The following PAK5 variants were observed in gnomAD, a reference collection of about 807,000 sequenced individuals.
PAK5 encodes serine/threonine-protein kinase PAK 5.
PAK5 carries 16 observed loss-of-function variants against 65.9 expected under a neutral mutation model. The ratio of observed to expected loss-of-function variants is 0.24; its 90% CI spans 0.16 to 0.37. PAK5 has a LOEUF of 0.37. Ranked by LOEUF, PAK5 falls within the 10% of genes least tolerant of loss-of-function variation. The pLI, the probability that PAK5 is intolerant of heterozygous loss-of-function variation, is 1.00. For missense variants in PAK5, 785 were observed against 903.9 expected (o/e 0.87, Z 1.69); for synonymous variants, 371 against 354.9 (o/e 1.05, Z -0.51).
chr20:9,822,727 T>C (rs1047671541), intron 1 of PAK5, among the ~76,000 whole-genome samples: 1 of 152,222 alleles, frequency 6.6e-6, no homozygotes, highest in African/African-American at 2.4e-5. Context: ...TATCCACCCA[T>C]ATGCCTACTG....
At chr20:9,646,343 C>T (rs1235172067) in intron 2 of PAK5, among the ~76,000 whole-genome samples, 1 of 152,204 alleles carries the variant, frequency 6.6e-6, no homozygotes, top group Non-Finnish European at 1.5e-5. Flanking sequence ...TCCGTCAAAA[C>T]CCATCGCATT....
At chr20:9,794,372 C>T (rs747778104) in intron 1 of PAK5, among the ~76,000 whole-genome samples, 3 of 151,708 alleles carry the variant, frequency 2.0e-5, no homozygotes, top group Non-Finnish European at 2.9e-5. Flanking sequence ...GCAAAAAAGG[C>T]AAGAATTGAT....
rs182531601 is a variant in PAK5, at chr20:9,590,583, G to T, written c.205-9653C>A. ...AGATACACAGGTCTCATCTTTGGAG[G>T]GAAAACTCTGCTAGTATTTGATTCA... is the stretch of plus-strand genomic sequence containing the variant. On this transcript the variant is annotated intron_variant, in intron 3 of 9. Transcript: ENST00000353224. Among the ~76,000 whole-genome samples, 285 of 151,248 alleles carry T rather than the reference G, an allele frequency of 1.9e-3. 2 individuals are homozygous for T. Among genetic ancestry groups the T allele is most frequent in the African/African-American group, 6.4e-3 (264 of 41,194 alleles).
At chr20:9,781,320 G>T (rs576353060) in intron 1 of PAK5, among the ~76,000 whole-genome samples, 1 of 152,278 alleles carries the variant, frequency 6.6e-6, no homozygotes, top group East Asian at 1.9e-4. Flanking sequence ...TTTTAGGAAA[G>T]CTTATGTGGG....
At chr20:9,564,145 A>C (rs2045635549) in intron 5 of PAK5, among the ~76,000 whole-genome samples, 1 of 152,200 alleles carries the variant, frequency 6.6e-6, no homozygotes, top group Non-Finnish European at 1.5e-5. Flanking sequence ...TCTCTCATCC[A>C]CAAAAACTTA....
At chr20:9,803,111 G>T (rs1378051646) in intron 1 of PAK5, among the ~76,000 whole-genome samples, 1 of 151,276 alleles carries the variant, frequency 6.6e-6, no homozygotes, top group Non-Finnish European at 1.5e-5. Context: ...CAAGCTTCCG[G>T]AAATGTTTAG....
intron 1 of PAK5, among the ~76,000 whole-genome samples, chr20:9,714,563 A>G (rs2048119047): frequency 6.6e-6 from 1 of 152,148 alleles, no homozygotes; most frequent in African/African-American, 2.4e-5. Context: ...AATTAAGTTT[A>G]CCTCTCAATA....
intron 2 of PAK5, among the ~76,000 whole-genome samples, chr20:9,680,218 C>G (rs143603712): frequency 5.3e-5 from 8 of 152,290 alleles, no homozygotes; most frequent in African/African-American, 1.9e-4. Flanking sequence ...TCTCTACCAT[C>G]AAAATGCTCA....
At chr20:9,716,682 T>G (rs2123503667) in intron 1 of PAK5, among the ~76,000 whole-genome samples, 1 of 152,300 alleles carries the variant, frequency 6.6e-6, no homozygotes, top group South Asian at 2.1e-4. Flanking sequence ...CATTCTCAAA[T>G]CATCACTAAA....
intron 4 of PAK5, among the ~76,000 whole-genome samples, chr20:9,567,158 A>G (rs1266727508): frequency 6.6e-6 from 1 of 152,152 alleles, no homozygotes; most frequent in Non-Finnish European, 1.5e-5. Context: ...ACATCTTGTC[A>G]TGTGGTATGC....
At chr20:9,644,721 C>T (rs1299765478) in intron 2 of PAK5, among the ~76,000 whole-genome samples, 1 of 152,148 alleles carries the variant, frequency 6.6e-6, no homozygotes, top group African/African-American at 2.4e-5. Context: ...AGGGAGATGA[C>T]ACTTCCTCAG....
chr20:9,810,117 G>A (rs933642854), intron 1 of PAK5, among the ~76,000 whole-genome samples: 5 of 152,102 alleles, frequency 3.3e-5, no homozygotes, highest in Admixed American at 1.3e-4. Flanking sequence ...GTGCAGCAGT[G>A]GTTCCCAACC....
At chr20:9,834,805 A>G (rs1021558766) in intron 1 of PAK5, among the ~76,000 whole-genome samples, 3 of 152,268 alleles carry the variant, frequency 2.0e-5, no homozygotes, top group Non-Finnish European at 2.9e-5. Flanking sequence ...ATTATTATAC[A>G]TAATGATTAT....
intron 4 of PAK5, among the ~76,000 whole-genome samples, chr20:9,576,691 G>C (rs553489582): frequency 2.6e-5 from 4 of 152,200 alleles, no homozygotes; most frequent in Non-Finnish European, 5.9e-5. Flanking sequence ...ACCCACAGAA[G>C]CTGCCCCTGT....
intron 1 of PAK5, among the ~76,000 whole-genome samples, chr20:9,786,132 A>G (rs2048990364): frequency 6.6e-6 from 1 of 152,158 alleles, no homozygotes; most frequent in East Asian, 1.9e-4. Context: ...CAAAAAGCAA[A>G]AGATGAAATA....
chr20:9,560,052 C>T (rs190307878), intron 6 of PAK5, among the ~76,000 whole-genome samples: 23 of 152,238 alleles, frequency 1.5e-4, no homozygotes, highest in Admixed American at 8.5e-4. Context: ...TCTTGAATTC[C>T]GTGAAATTTG....
At chr20:9,763,142 A>G (rs898562166) in intron 1 of PAK5, among the ~76,000 whole-genome samples, 3 of 152,228 alleles carry the variant, frequency 2.0e-5, no homozygotes, top group Non-Finnish European at 2.9e-5. Context: ...CAATGGTTAG[A>G]GGGTTCAAAG....
chr20:9,756,639 G>C (rs1396054892), intron 1 of PAK5, among the ~76,000 whole-genome samples: 1 of 152,228 alleles, frequency 6.6e-6, no homozygotes, highest in East Asian at 1.9e-4. Context: ...TGGTATTTTG[G>C]ATGTACTGGG....
At chr20:9,578,342 TA>T (rs2045922358) in intron 4 of PAK5, among the ~76,000 whole-genome samples, 2 of 151,956 alleles carry the variant, frequency 1.3e-5, no homozygotes, top group Admixed American at 1.3e-4. Flanking sequence ...AAAATAAAAA[TA>T]AAAAAGAGAG....
Sources: allele counts gnomAD v4.1 joint callset (sites outside exome capture counted in the v4.1 genomes callset), GRCh38; gene constraint gnomAD v4.1.1; transcripts MANE v1.5; gene names NCBI Gene and HGNC (gene_info 2026-07-23, HGNC 2026-07-21).